Variants in GPR21 observed in about 807,000 individuals in gnomAD.
GPR21 encodes the protein G protein-coupled receptor 21, also known as probable G protein-coupled receptor 21.
A neutral mutation model predicts 21.5 loss-of-function variants in GPR21; 9 were observed. The ratio of observed to expected loss-of-function variants is 0.42; its 90% confidence interval spans 0.25 to 0.73. The LOEUF (loss-of-function observed/expected upper bound fraction) is 0.73, where lower values mean the gene tolerates loss of function less well. Among genes scored for constraint, GPR21 ranks in the 30% least tolerant of loss-of-function variants. The pLI is 0.27. For synonymous variants in GPR21, 169 were observed against 159.3 expected, an observed-to-expected ratio of 1.06 and a Z score of -0.46; for missense variants, 416 against 428.9, an observed-to-expected ratio of 0.97 and a Z score of 0.27.
downstream of GPR21, among the ~76,000 whole-genome samples, chr9:123,037,350 A>G (rs962219366): frequency 1.1e-4 from 16 of 152,304 alleles, no homozygotes; most frequent in African/African-American, 3.6e-4. Flanking sequence ...TTCAAACTTC[A>G]GATTCTGGGT....
chr9:123,044,839 A>C, the GPR21 span, among the ~76,000 whole-genome samples: 1 of 152,170 alleles, frequency 6.6e-6, no homozygotes, highest in African/African-American at 2.4e-5. Flanking sequence ...GAATTCCTAT[A>C]GTCTGATTCC....
Position 123,034,953 on chromosome 9 carries a change from T to C in GPR21, c.387T>C (p.Ile129=), listed in dbSNP as rs746574775. 5.0e-6 allele frequency: 8 copies of C among 1,613,360 alleles called. No homozygotes were observed. The East Asian group carries it at 1.6e-4, about 31-fold the overall frequency. Residue 129 remains isoleucine (I), a synonymous_variant, in exon 2 of 2, where the codon ATT becomes ATC. Coordinates refer to ENST00000616002, the MANE Select transcript of GPR21 (RefSeq NM_005294.3). ...SLACISIDRY[I]AITKPLTYNT... ...CCTGTATCAGCATTGATAGATACATTGCCATTACTAAACCTTTAACCTATA... is the reference window on the plus strand; with the variant it reads ...CCTGTATCAGCATTGATAGATACATCGCCATTACTAAACCTTTAACCTATA...
chr9:123,035,378 A>C lies in GPR21; in HGVS notation c.812A>C (p.Tyr271Ser). 3 of 1,614,006 alleles carry C rather than the reference A, an allele frequency of 1.9e-6. No individual in the cohort carries two copies. The highest frequency in any genetic ancestry group is 2.5e-6 in the Non-Finnish European group (3 of 1,179,966). ...FYILWLPYII[Y>S]FLLESSTGHS... ...ATCCTCTGGTTGCCATATATCATCT[A>C]CTTCTTGTTGGAAAGCTCCACTGGC... The change falls in exon 2 of 2, where the codon TAC (tyrosine) becomes TCC (serine). Residue 271 changes from tyrosine (Y) to serine (S), a missense_variant. By Grantham distance (144) the Tyr-to-Ser change is moderately radical (BLOSUM62 -2). Transcript: ENST00000616002.
Position 123,034,596 on chromosome 9 carries a change from C to T in GPR21, c.30C>T (p.Ser10=), listed in dbSNP as rs768723729. MNSTLDGNQ[S]SHPFCLLAFG... ...ACTCCACCTTGGATGGTAATCAGAG[C>T]AGCCACCCTTTTTGCCTCTTGGCAT... is the stretch of plus-strand genomic sequence containing the variant. Residue 10 remains serine, a synonymous_variant, in exon 2 of 2, where the codon AGC becomes AGT. Coordinates refer to ENST00000616002, the MANE Select transcript of GPR21 (RefSeq NM_005294.3). The T allele has an allele frequency of 4.3e-6, 7 of 1,610,012 alleles. No homozygotes were observed. Among genetic ancestry groups the T allele is most frequent in the South Asian group, 1.1e-5 (1 of 90,194 alleles).
At chr9:123,048,262 C>T in the GPR21 span, among the ~76,000 whole-genome samples, 1 of 152,054 alleles carries the variant, frequency 6.6e-6, no homozygotes, top group African/African-American at 2.4e-5. Context: ...TTTTGCTACT[C>T]AATAGACACA....
chr9:123,042,979 G>T, the GPR21 span, among the ~76,000 whole-genome samples: 4 of 152,096 alleles, frequency 2.6e-5, no homozygotes, highest in East Asian at 7.7e-4. Flanking sequence ...AGTAGCAGAG[G>T]ACTTTTTGCC....
the GPR21 span, among the ~76,000 whole-genome samples, chr9:123,046,265 C>G: frequency 2.0e-5 from 3 of 152,130 alleles, no homozygotes; most frequent in African/African-American, 7.2e-5. Context: ...TTAAATACTT[C>G]AGGAGGTGGA....
At chr9:123,036,319 G>A (rs1346938495), downstream of GPR21, among the ~76,000 whole-genome samples, 1 of 152,196 alleles carries the variant, frequency 6.6e-6, no homozygotes, top group Non-Finnish European at 1.5e-5. Context: ...GCTTCACAGA[G>A]ATCTAAAGAT....
In GPR21 at chr9:123,034,625, G is replaced by T. The variant is rs2032509692; in HGVS notation, c.59G>T (p.Gly20Val). Residue 20 changes from glycine (G) to valine (V), a missense_variant, in exon 2 of 2, where the codon GGC becomes GTC. By Grantham distance (109) the Gly-to-Val change is moderately radical (BLOSUM62 -3). Transcript: ENST00000616002. ...SSHPFCLLAF[G>V]YLETVNFCLL... ...CACCCTTTTTGCCTCTTGGCATTTGGCTATTTGGAAACTGTCAATTTTTGC... is the reference window on the plus strand; with the variant it reads ...CACCCTTTTTGCCTCTTGGCATTTGTCTATTTGGAAACTGTCAATTTTTGC... 1 of 1,613,788 alleles carries T rather than the reference G, an allele frequency of 6.2e-7. No homozygotes were observed. Among genetic ancestry groups the T allele is most frequent in the Non-Finnish European group, 8.5e-7 (1 of 1,179,772 alleles).
chr9:123,037,069 A>G (rs1046425698), downstream of GPR21, among the ~76,000 whole-genome samples: 1 of 152,136 alleles, frequency 6.6e-6, no homozygotes, highest in Non-Finnish European at 1.5e-5. Context: ...GACTTACTTG[A>G]TCTCTGCCTT....
downstream of GPR21, among the ~76,000 whole-genome samples, chr9:123,037,225 C>A (rs896961744): frequency 1.3e-5 from 2 of 152,166 alleles, no homozygotes; most frequent in Non-Finnish European, 2.9e-5. Context: ...CTTTGGTTTT[C>A]CATCATGATG....
In GPR21 at chr9:123,035,008, C is replaced by G; in HGVS notation, c.442C>G (p.Leu148Val). The G allele has an allele frequency of 6.2e-7, 1 of 1,613,604 alleles. No individual in the cohort carries two copies. Among genetic ancestry groups the G allele is most frequent in the South Asian group, 1.1e-5 (1 of 91,076 alleles). The change falls in exon 2 of 2, where the codon CTG (leucine) becomes GTG (valine). Residue 148 changes from leucine (L) to valine (V), a missense_variant. By Grantham distance (32) the Leu-to-Val change is conservative. Transcript: ENST00000616002. Reference sequence around the variant, plus strand: ...TCTGGTTACACCCTGGAGACTACGCCTGTGTATTTTCCTGATTTGGCTATA... The same window carrying G: ...TCTGGTTACACCCTGGAGACTACGCGTGTGTATTTTCCTGATTTGGCTATA... ...NTLVTPWRLR[L>V]CIFLIWLYST... is the part of the protein sequence containing the mutation.
At chr9:123,036,703 T>G (rs1249240109), downstream of GPR21, among the ~76,000 whole-genome samples, 1 of 152,160 alleles carries the variant, frequency 6.6e-6, no homozygotes, top group African/African-American at 2.4e-5. Flanking sequence ...AAAGTATTCT[T>G]TCAGTTAGTG....
At chr9:123,043,155 C>T in the GPR21 span, among the ~76,000 whole-genome samples, 2 of 151,994 alleles carry the variant, frequency 1.3e-5, no homozygotes, top group Non-Finnish European at 2.9e-5. Flanking sequence ...CGTACTTTCT[C>T]GGGAAGTTAC....
At chr9:123,043,739 C>G in the GPR21 span, among the ~76,000 whole-genome samples, 1 of 151,806 alleles carries the variant, frequency 6.6e-6, no homozygotes, top group Non-Finnish European at 1.5e-5. Context: ...AAAATAGCAA[C>G]TTAAGCATTT....
At chr9:123,046,670 A>G in the GPR21 span, among the ~76,000 whole-genome samples, 1 of 152,246 alleles carries the variant, frequency 6.6e-6, no homozygotes, top group Non-Finnish European at 1.5e-5. Context: ...AGTACATGTT[A>G]GCTGGTACAG....
In GPR21 at chr9:123,034,563, C is replaced by T. The variant is rs750837939; in HGVS notation, c.-4C>T. The T allele has an allele frequency of 1.3e-6, 2 of 1,586,742 alleles. No homozygotes were observed. The highest frequency in any genetic ancestry group is 1.3e-5 in the African/African-American group (1 of 74,464). On this transcript the variant is annotated 5_prime_UTR_variant, in exon 2 of 2. Coordinates refer to ENST00000616002, the MANE Select transcript of GPR21 (RefSeq NM_005294.3). ...TGAAGTGACAGATCACTCCTGAGCT[C>T]AAGATGAACTCCACCTTGGATGGTA...
chr9:123,047,102 A>G, the GPR21 span, among the ~76,000 whole-genome samples: 1 of 152,218 alleles, frequency 6.6e-6, no homozygotes, highest in Non-Finnish European at 1.5e-5. Context: ...TTTGGAAAAA[A>G]AGGAAACAAC....
At chr9:123,047,828 A>G in the GPR21 span, among the ~76,000 whole-genome samples, 1 of 151,502 alleles carries the variant, frequency 6.6e-6, no homozygotes, top group East Asian at 1.9e-4. Context: ...TGGAGCTGTT[A>G]CATGACTGGT....
Sources: allele counts gnomAD v4.1 joint callset (sites outside exome capture counted in the v4.1 genomes callset), GRCh38; gene constraint gnomAD v4.1.1; transcripts MANE v1.5; gene names NCBI Gene and HGNC (gene_info 2026-07-23, HGNC 2026-07-21).